Variants in HOXC4 observed in about 807,000 individuals in gnomAD.
The protein encoded by HOXC4 is homeobox C4.
In HOXC4, 15 loss-of-function variants were observed where a neutral mutation model predicts 25.5. That is an observed-to-expected ratio of 0.59 (90% CI 0.39 to 0.91). HOXC4 has a LOEUF of 0.91. HOXC4 is among the 40% of genes least tolerant of loss of function. The probability of loss-of-function intolerance (pLI) is 0.00; values close to 1 mark genes in which losing one functional copy is unlikely to be tolerated. For synonymous variants in HOXC4, 165 were observed against 148.0 expected (o/e 1.11, Z -0.83); for missense variants, 342 against 352.4 (o/e 0.97, Z 0.24).
intron 1 of HOXC4, chr12:54,033,314 T>C: frequency 6.2e-7 from 1 of 1,614,020 alleles, no homozygotes; most frequent in South Asian, 1.1e-5. Flanking sequence ...TAGACATGGC[T>C]GCCAACCCCC....
At chr12:54,019,618 A>G (rs1940339326) in intron 1 of HOXC4, among the ~76,000 whole-genome samples, 1 of 152,056 alleles carries the variant, frequency 6.6e-6, no homozygotes, top group Non-Finnish European at 1.5e-5. Context: ...AACCTTTTCC[A>G]GAGAAGGCCA....
chr12:54,046,816 C>A (rs1937722206), intron 1 of HOXC4, among the ~76,000 whole-genome samples: 1 of 152,326 alleles, frequency 6.6e-6, no homozygotes, highest in East Asian at 1.9e-4. Context: ...TCTTTCCCTT[C>A]CTTCGCCTCA....
chr12:54,041,772 G>A (rs1353934997), intron 1 of HOXC4, among the ~76,000 whole-genome samples: 1 of 152,128 alleles, frequency 6.6e-6, no homozygotes, highest in Non-Finnish European at 1.5e-5. Context: ...TGTCTCCTGG[G>A]TTCAAGTGAT....
intron 1 of HOXC4, chr12:54,034,765 G>T (rs996327276): frequency 1.1e-5 from 5 of 458,662 alleles, no homozygotes; most frequent in African/African-American, 2.0e-5. Flanking sequence ...TCCCCGGAGG[G>T]CTGCGGCGTA....
At chr12:54,054,792 G>C (rs1187958191) in intron 1 of HOXC4, 58 bp from the exon 2 acceptor site, 2 of 683,212 alleles carry the variant, frequency 2.9e-6, no homozygotes, top group Non-Finnish European at 4.6e-6. Context: ...GGGTGAGGGT[G>C]GGGGGCGGGG....
chr12:54,032,851 T>A, intron 1 of HOXC4: 3 of 193,246 alleles, frequency 1.6e-5, no homozygotes, highest in Non-Finnish European at 2.1e-5. Flanking sequence ...CCTCTCCCCC[T>A]TGGTTGGGCT....
At chr12:54,033,220 T>G in intron 1 of HOXC4, 1 of 1,614,070 alleles carries the variant, frequency 6.2e-7, no homozygotes, top group Non-Finnish European at 8.5e-7. Context: ...GCCTCAGAGG[T>G]GCAGGCATCC....
At chr12:54,035,831 G>C (rs1353609472) in intron 1 of HOXC4, among the ~76,000 whole-genome samples, 1 of 152,100 alleles carries the variant, frequency 6.6e-6, no homozygotes, top group Admixed American at 6.5e-5. Flanking sequence ...GTCTCATAAG[G>C]GCCTCTAGAG....
chr12:54,040,180 A>AG (rs1225829632), intron 1 of HOXC4, among the ~76,000 whole-genome samples: 1 of 152,164 alleles, frequency 6.6e-6, no homozygotes, highest in African/African-American at 2.4e-5. Context: ...TCTGGAGCGG[A>AG]GGGTGGGCAG....
At chr12:54,018,015 C>G (rs1940236563) in intron 1 of HOXC4, among the ~76,000 whole-genome samples, 1 of 152,312 alleles carries the variant, frequency 6.6e-6, no homozygotes, top group East Asian at 1.9e-4. Context: ...CCGGCGGGGC[C>G]TGTTAATTGG....
intron 1 of HOXC4, 42 bp from the exon 2 acceptor site, chr12:54,054,808 G>A (rs773264692): frequency 2.5e-5 from 34 of 1,374,956 alleles, no homozygotes; most frequent in South Asian, 1.3e-5. Context: ...CGGGGAGCCT[G>A]CTGCCTCTGA....
chr12:54,032,583 C>A (rs1447077452), intron 1 of HOXC4, among the ~76,000 whole-genome samples: 4 of 152,232 alleles, frequency 2.6e-5, no homozygotes, highest in African/African-American at 9.6e-5. Context: ...AAAAAGCACT[C>A]TGTGCGTTAT....
At chr12:54,043,438 C>G (rs993425581) in intron 1 of HOXC4, among the ~76,000 whole-genome samples, 1 of 152,150 alleles carries the variant, frequency 6.6e-6, no homozygotes, top group African/African-American at 2.4e-5. Context: ...CCTGAACACA[C>G]AGAAACACAT....
chr12:54,054,968 G>T lies in HOXC4; in HGVS notation c.558G>T (p.Arg186Ser). ...HYNRYLTRRR[R>S]IEIAHSLCLS... is the part of the protein sequence containing the mutation. ...ACCGCTACCTGACCCGAAGGAGAAG[G>T]ATCGAGATCGCCCACTCGCTGTGCC... Residue 186 changes from arginine (R) to serine (S), a missense_variant, in exon 2 of 2, where the codon AGG becomes AGT. Transcript: ENST00000430889. The T allele has an allele frequency of 6.2e-7, 1 of 1,614,068 alleles. No individual in the cohort carries two copies. Among genetic ancestry groups the T allele is most frequent in the Non-Finnish European group, 8.5e-7 (1 of 1,180,024 alleles).
In HOXC4 at chr12:54,048,025, T is replaced by C. The variant is rs760902019; in HGVS notation, c.-123-5135T>C. 1.2e-4 allele frequency: 19 copies of C among 152,136 alleles called. No homozygotes were observed. The Middle Eastern group carries it at 0.017, about 136-fold the overall frequency. 9.4% of individuals were successfully genotyped at this position (152,136 alleles called of 1,614,324 possible). The stretch of plus-strand genomic sequence containing the variant: ...ACTAAGAAATCTCTCTCGGCCTTGA[T>C]TCCTCCAACCCAGGATTCAAAGCAT... On this transcript the variant is annotated intron_variant, in intron 1 of 3. Transcript: ENST00000303406.
At chr12:54,022,584 T>C (rs1171642279) in intron 1 of HOXC4, 3 of 152,130 alleles carry the variant, frequency 2.0e-5, no homozygotes, top group African/African-American at 7.2e-5. Flanking sequence ...AGGATAAAAT[T>C]ATTTATAGGG....
intron 1 of HOXC4, 44 bp downstream of exon 1, chr12:54,054,405 C>T (rs1360956614): frequency 3.0e-6 from 4 of 1,334,244 alleles, no homozygotes; most frequent in South Asian, 1.5e-5. Flanking sequence ...TCCCTTCTTC[C>T]CTAGCGCTCC....
At chr12:54,041,796 C>A (rs1941277700) in intron 1 of HOXC4, among the ~76,000 whole-genome samples, 1 of 151,990 alleles carries the variant, frequency 6.6e-6, no homozygotes, top group African/African-American at 2.4e-5. Flanking sequence ...CCTGCCTCAA[C>A]CTCCCAAGTG....
In HOXC4 at chr12:54,053,965, C is replaced by T. The variant is rs1937906197; in HGVS notation, c.43C>T (p.Pro15Ser). 15 of 1,613,932 alleles carry T rather than the reference C, an allele frequency of 9.3e-6. No homozygotes were observed. Among genetic ancestry groups the T allele is most frequent in the Non-Finnish European group, 1.3e-5 (15 of 1,179,862 alleles). The change falls in exon 1 of 2, where the codon CCG (proline) becomes TCG (serine). Residue 15 changes from proline (P) to serine (S), a missense_variant. By Grantham distance (74) the Pro-to-Ser change is moderately conservative. Transcript: ENST00000430889. ...TTTGATGGACTCTAACTACATCGAT[C>T]CGAAATTTCCTCCATGCGAAGAATA... ...SYLMDSNYID[P>S]KFPPCEEYSQ...
Sources: allele counts gnomAD v4.1 joint callset (sites outside exome capture counted in the v4.1 genomes callset), GRCh38; gene constraint gnomAD v4.1.1; transcripts MANE v1.5; gene names NCBI Gene and HGNC (gene_info 2026-07-23, HGNC 2026-07-21).